ELMO1: variants seen among roughly 807,000 people sequenced by gnomAD.
ELMO1 encodes the protein engulfment and cell motility protein 1.
Under a neutral mutation model 98.9 loss-of-function variants are expected in ELMO1, and 26 were observed. That is an observed-to-expected ratio of 0.26 (90% CI 0.19 to 0.36). The LOEUF is 0.36. Ranked by LOEUF, ELMO1 falls within the 10% of genes least tolerant of loss-of-function variation. ELMO1 has a pLI of 1.00. For missense variants in ELMO1, 627 were observed against 935.2 expected (o/e 0.67, Z 4.30); for synonymous variants, 346 against 346.0 (o/e 1.00, Z 0.00).
chr7:37,421,981 G>C (rs145853655), intron 1 of ELMO1, among the ~76,000 whole-genome samples: 1 of 152,240 alleles, frequency 6.6e-6, no homozygotes, highest in East Asian at 1.9e-4. Context: ...TGTAGACAAG[G>C]GGTGCCTCTG....
At chr7:37,211,251 TA>T in intron 13 of ELMO1, 134 bp downstream of exon 13, 1 of 1,300,708 alleles carries the variant, frequency 7.7e-7, no homozygotes. Flanking sequence ...TTAAACCAGC[TA>T]AACATCTGGA....
At chr7:37,145,303 T>C (rs1787913546) in intron 13 of ELMO1, among the ~76,000 whole-genome samples, 1 of 152,210 alleles carries the variant, frequency 6.6e-6, no homozygotes, top group Admixed American at 6.5e-5. Context: ...ATTCCTCAAA[T>C]CCCCATGCAG....
chr7:37,170,217 T>C (rs1474712939), intron 13 of ELMO1, among the ~76,000 whole-genome samples: 1 of 152,244 alleles, frequency 6.6e-6, no homozygotes, highest in Non-Finnish European at 1.5e-5. Flanking sequence ...GATGCACATT[T>C]CTTTTCGTCT....
At chr7:37,100,452 C>A (rs1465339552) in intron 14 of ELMO1, among the ~76,000 whole-genome samples, 2 of 152,168 alleles carry the variant, frequency 1.3e-5, no homozygotes, top group Non-Finnish European at 2.9e-5. Flanking sequence ...AGTGTTGAGT[C>A]CAAGGCCACC....
chr7:37,363,234 C>T (rs1801766339), intron 1 of ELMO1, among the ~76,000 whole-genome samples: 1 of 152,080 alleles, frequency 6.6e-6, no homozygotes, highest in South Asian at 2.1e-4. Flanking sequence ...CACCACCAAT[C>T]CAACTCAACC....
chr7:37,248,104 T>C (rs1795112905), intron 6 of ELMO1, among the ~76,000 whole-genome samples: 1 of 151,708 alleles, frequency 6.6e-6, no homozygotes, highest in Non-Finnish European at 1.5e-5. Flanking sequence ...ACTCCTCAAA[T>C]TTGCATCCTC....
At chr7:37,347,795 G>A (rs1163254666) in intron 1 of ELMO1, among the ~76,000 whole-genome samples, 3 of 152,126 alleles carry the variant, frequency 2.0e-5, no homozygotes, top group East Asian at 1.9e-4. Context: ...GCAGATTACC[G>A]ATGATCAGGG....
chr7:37,437,176 G>GA (rs1805186381), intron 1 of ELMO1, among the ~76,000 whole-genome samples: 1 of 152,164 alleles, frequency 6.6e-6, no homozygotes, highest in African/African-American at 2.4e-5. Context: ...TTACTCCAAT[G>GA]ACATGGGGTT....
At position 36,861,823 on chromosome 7, in the gene ELMO1, A is replaced by C. The variant is rs1056007438; in HGVS notation, c.1906-87T>G. 4 of 1,304,940 alleles carry C rather than the reference A, an allele frequency of 3.1e-6. No individual in the cohort carries two copies. In the African/African-American group the frequency reaches 5.8e-5, roughly 19 times the overall value. 80.8% of individuals were successfully genotyped at this position (1,304,940 alleles called of 1,614,324 possible). A position where few individuals can be genotyped will look rare whatever the true frequency, so the allele number is the denominator to read the frequency against. On this transcript the variant is annotated intron_variant, in intron 20 of 21. Transcript: ENST00000310758. Reference sequence around the variant, plus strand: ...CAAATGGCTGCACATTGACCATGGCATAGGGCCAGCTTGTCTAGCCAAGCG... The same window carrying C: ...CAAATGGCTGCACATTGACCATGGCCTAGGGCCAGCTTGTCTAGCCAAGCG...
At chr7:37,349,546 C>G (rs188430831) in intron 1 of ELMO1, among the ~76,000 whole-genome samples, 125 of 152,242 alleles carry the variant, frequency 8.2e-4, no homozygotes, top group African/African-American at 2.9e-3. Context: ...CTCCGCCCCC[C>G]GGGTTCAAGT....
chr7:37,004,867 T>G (rs1250148735), intron 16 of ELMO1, among the ~76,000 whole-genome samples: 2 of 151,652 alleles, frequency 1.3e-5, no homozygotes, highest in African/African-American at 4.8e-5. Flanking sequence ...TCCCAGCACT[T>G]TGGGAGGCTG....
chr7:37,326,578 AGAT>A (rs2131172039), intron 2 of ELMO1, among the ~76,000 whole-genome samples: 1 of 151,972 alleles, frequency 6.6e-6, no homozygotes, highest in African/African-American at 2.4e-5. Flanking sequence ...AAAAAATGAA[AGAT>A]GATACTCTGC....
At chr7:37,366,060 T>C (rs1801891410) in intron 1 of ELMO1, among the ~76,000 whole-genome samples, 1 of 152,202 alleles carries the variant, frequency 6.6e-6, no homozygotes, top group Non-Finnish European at 1.5e-5. Flanking sequence ...ACCTAGAAGT[T>C]GTTTCTAAAT....
At chr7:37,079,617 C>G (rs1288832401) in intron 15 of ELMO1, among the ~76,000 whole-genome samples, 1 of 152,166 alleles carries the variant, frequency 6.6e-6, no homozygotes, top group East Asian at 1.9e-4. Context: ...CACTCTTGTT[C>G]AGGTCACCCT....
In ELMO1 at chr7:36,927,030, C is replaced by A. The variant is rs866866478; in HGVS notation, c.1438-32013G>T. ...AAAAAGATACCCAGCCTTTTAGTTT[C>A]AAAAAATATAACAAGACTAACACTT... On this transcript the variant is annotated intron_variant, in intron 16 of 21. Coordinates refer to ENST00000310758, the MANE Select transcript of ELMO1 (RefSeq NM_014800.11). 4.1e-4 allele frequency among the ~76,000 whole-genome samples: 63 copies of A among 152,214 alleles called. 1 individual carries two copies. The highest frequency in any genetic ancestry group is 1.5e-3 in the African/African-American group (63 of 41,540).
chr7:37,311,803 G>C (rs1254471261), intron 4 of ELMO1, among the ~76,000 whole-genome samples: 2 of 152,120 alleles, frequency 1.3e-5, no homozygotes, highest in Non-Finnish European at 2.9e-5. Context: ...CTTCATAAAA[G>C]AATAATCTCT....
At chr7:37,205,722 T>C (rs576718403) in intron 13 of ELMO1, among the ~76,000 whole-genome samples, 1 of 152,246 alleles carries the variant, frequency 6.6e-6, no homozygotes, top group East Asian at 1.9e-4. Flanking sequence ...AGCTGGAACA[T>C]CTGAGTTGGG....
intron 8 of ELMO1, among the ~76,000 whole-genome samples, chr7:37,231,029 C>CA: frequency 6.6e-6 from 1 of 152,176 alleles, no homozygotes. Flanking sequence ...TCCTTTATGG[C>CA]AATTCATACC....
At chr7:37,252,862 A>G (rs1158683705) in intron 6 of ELMO1, among the ~76,000 whole-genome samples, 2 of 152,234 alleles carry the variant, frequency 1.3e-5, no homozygotes, top group Non-Finnish European at 2.9e-5. Context: ...AAAATCTACA[A>G]GGAACTTAAA....
Sources: gnomAD v4.1 joint callset for allele counts (sites outside exome capture counted in the v4.1 genomes callset) on GRCh38, gnomAD v4.1.1 for gene constraint, MANE v1.5 for transcripts, NCBI Gene and HGNC (gene_info 2026-07-23, HGNC 2026-07-21) for gene names.